Variants in CCDC6 observed in about 807,000 individuals in gnomAD.
CCDC6 encodes the protein coiled-coil domain-containing protein 6.
Under a neutral mutation model 56.6 loss-of-function variants are expected in CCDC6, and 20 were observed. The ratio of observed to expected loss-of-function variants is 0.35; its 90% CI spans 0.25 to 0.51. The LOEUF is 0.51. Among genes scored for constraint, CCDC6 ranks in the 20% least tolerant of loss-of-function variants. The pLI is 0.95. For missense variants in CCDC6, 367 were observed against 601.1 expected (o/e 0.61, Z 4.07); for synonymous variants, 241 against 234.4 (o/e 1.03, Z -0.26).
chr10:59,888,853 C>T (rs1436472821), intron 1 of CCDC6, among the ~76,000 whole-genome samples: 2 of 152,064 alleles, frequency 1.3e-5, no homozygotes, highest in African/African-American at 4.8e-5. Context: ...ATAAAATAAG[C>T]TTAAACAAAA....
At chr10:59,816,305 C>A (rs2070709277) in intron 3 of CCDC6, among the ~76,000 whole-genome samples, 1 of 152,214 alleles carries the variant, frequency 6.6e-6, no homozygotes, top group East Asian at 1.9e-4. Flanking sequence ...GAAAAACTCT[C>A]CTGTGACGAC....
At chr10:59,801,079 T>C (rs774322994) in intron 7 of CCDC6, among the ~76,000 whole-genome samples, 16 of 152,174 alleles carry the variant, frequency 1.1e-4, no homozygotes, top group Non-Finnish European at 2.1e-4. Flanking sequence ...TAGGAGACAC[T>C]TGAAAACACT....
At chr10:59,793,717 G>A (rs2070487862) in intron 8 of CCDC6, among the ~76,000 whole-genome samples, 1 of 150,930 alleles carries the variant, frequency 6.6e-6, no homozygotes, top group African/African-American at 2.4e-5. Flanking sequence ...TCCGGAGGCG[G>A]ATGTTGCAGT....
chr10:59,802,279 T>C (rs1239189987), intron 7 of CCDC6, among the ~76,000 whole-genome samples: 1 of 152,200 alleles, frequency 6.6e-6, no homozygotes, highest in Admixed American at 6.5e-5. Context: ...TTAGTGAAGT[T>C]AGTGAAAACA....
At chr10:59,834,856 CA>C (rs1564744718) in intron 2 of CCDC6, among the ~76,000 whole-genome samples, 1 of 152,114 alleles carries the variant, frequency 6.6e-6, no homozygotes, top group Non-Finnish European at 1.5e-5. Flanking sequence ...GCACTTTCGA[CA>C]AAAAGAACCC....
chr10:59,853,908 T>C (rs1287622229), intron 1 of CCDC6, among the ~76,000 whole-genome samples: 2 of 152,208 alleles, frequency 1.3e-5, no homozygotes. Flanking sequence ...TATTATTCTG[T>C]CTAAACGGAA....
At chr10:59,860,261 C>T (rs887958836) in intron 1 of CCDC6, among the ~76,000 whole-genome samples, 1 of 152,066 alleles carries the variant, frequency 6.6e-6, no homozygotes, top group Admixed American at 6.5e-5. Context: ...ATCCAATGCC[C>T]CCGAGGAAAG....
intron 1 of CCDC6, among the ~76,000 whole-genome samples, chr10:59,884,786 C>T (rs951455697): frequency 3.3e-5 from 5 of 152,146 alleles, no homozygotes; most frequent in East Asian, 1.9e-4. Flanking sequence ...TAAGGTGGCC[C>T]GGTGCAGTGG....
At position 59,804,454 on chromosome 10, in the gene CCDC6, T is replaced by G; in HGVS notation, c.1071A>C (p.Thr357=). ...PRTVSSPIPY[T]PSPSSSRPIS... ...TAGGCCTGCTTGAACTCGGAGAAGG[T>G]GTGTAAGGGATCGGGCTGGACACAG... The change falls in exon 7 of 9, where the codon ACA becomes ACC. Residue 357 remains threonine (T), a synonymous_variant. Transcript: ENST00000263102. The G allele has an allele frequency of 1.2e-6, 2 of 1,612,790 alleles. No homozygotes were observed. The highest frequency in any genetic ancestry group is 2.7e-5 in the African/African-American group (2 of 74,900).
At chr10:59,905,788 A>C (rs2071539506) in intron 1 of CCDC6, among the ~76,000 whole-genome samples, 1 of 152,008 alleles carries the variant, frequency 6.6e-6, no homozygotes, top group Non-Finnish European at 1.5e-5. Flanking sequence ...GGGCTGAAAA[A>C]AGTCCTACCC....
rs112231377 is a variant in CCDC6 at position 59,813,480 on chromosome 10, C to A, written c.687-685G>T. 2.0e-3 allele frequency among the ~76,000 whole-genome samples: 305 copies of A among 152,298 alleles called. 3 individuals are homozygous for A. The highest frequency in any genetic ancestry group is 6.7e-3 in the African/African-American group (279 of 41,566). On this transcript the variant is annotated intron_variant, in intron 4 of 8. Coordinates refer to ENST00000263102, the MANE Select transcript of CCDC6 (RefSeq NM_005436.5). ...AAATGCAAACTTCCATACTGTTCAA[C>A]CCAATAATTTGGCACTAATACATGT...
chr10:59,867,146 G>A (rs2071184434), intron 1 of CCDC6, among the ~76,000 whole-genome samples: 1 of 152,212 alleles, frequency 6.6e-6, no homozygotes, highest in Non-Finnish European at 1.5e-5. Context: ...CCATATGGCA[G>A]AGGCACCTGA....
intron 2 of CCDC6, among the ~76,000 whole-genome samples, chr10:59,833,127 A>G (rs1408549099): frequency 6.6e-6 from 1 of 152,204 alleles, no homozygotes; most frequent in African/African-American, 2.4e-5. Flanking sequence ...TGTATGCCAC[A>G]GTTACTATAT....
intron 1 of CCDC6, among the ~76,000 whole-genome samples, chr10:59,878,571 T>C (rs1335960352): frequency 6.6e-6 from 1 of 152,142 alleles, no homozygotes; most frequent in Non-Finnish European, 1.5e-5. Context: ...AATCAGAAGG[T>C]TCAATGCCCT....
At chr10:59,876,987 T>C (rs2071288212) in intron 1 of CCDC6, among the ~76,000 whole-genome samples, 1 of 152,234 alleles carries the variant, frequency 6.6e-6, no homozygotes, top group Non-Finnish European at 1.5e-5. Flanking sequence ...CTCCGAGGCC[T>C]GTACAGCACG....
At chr10:59,805,423 C>T (rs190519493) in intron 6 of CCDC6, 1 of 152,168 alleles carries the variant, frequency 6.6e-6, no homozygotes, top group Admixed American at 6.5e-5. Context: ...ATCTGACCTA[C>T]AAAAGGTAGG....
At position 59,816,609 on chromosome 10, in the gene CCDC6, T is replaced by C. The variant is rs529558037; in HGVS notation, c.583-1854A>G. 1.4e-4 allele frequency among the ~76,000 whole-genome samples: 21 copies of C among 152,378 alleles called. No individual in the cohort carries two copies. In the South Asian group the frequency reaches 2.7e-3, roughly 20 times the overall value. ...AGGGACAAAAATAATGTCTGGCTCA[T>C]TGGATTACAGTGAGCATTACATTTG... On this transcript the variant is annotated intron_variant, in intron 3 of 8. Transcript: ENST00000263102.
rs1451835849 is a variant in CCDC6 at position 59,801,686 on chromosome 10, GTTTA to G, written c.1105+2730_1105+2733del. Reference sequence around the variant, plus strand: ...CGTGAGGATCTGTGTCTTCTCCCTTGTTTATTTATTTAGTCATTTATTCATATCA... The same window carrying G: ...CGTGAGGATCTGTGTCTTCTCCCTTGTTTATTTAGTCATTTATTCATATCA... On this transcript the variant is annotated intron_variant, in intron 7 of 8. Coordinates refer to ENST00000263102, the MANE Select transcript of CCDC6 (RefSeq NM_005436.5). 5.9e-5 allele frequency among the ~76,000 whole-genome samples: 9 copies of G among 152,074 alleles called. 1 individual carries two copies.
intron 2 of CCDC6, 81 bp from the exon 3 acceptor site, chr10:59,832,734 C>T (rs1312932143): frequency 6.8e-7 from 1 of 1,464,866 alleles, no homozygotes; most frequent in Non-Finnish European, 9.3e-7. Flanking sequence ...GGTGACTATA[C>T]AAAGAAGCTA....
Sources: allele counts gnomAD v4.1 joint callset (sites outside exome capture counted in the v4.1 genomes callset), GRCh38; gene constraint gnomAD v4.1.1; transcripts MANE v1.5; gene names NCBI Gene and HGNC (gene_info 2026-07-23, HGNC 2026-07-21).